STK32C: variants seen among roughly 807,000 people sequenced by gnomAD.
The protein encoded by STK32C is serine/threonine-protein kinase 32C.
Under a neutral mutation model 56.5 loss-of-function variants are expected in STK32C, and 31 were observed. The observed-to-expected ratio is 0.55, with a 90% CI of 0.41 to 0.74. STK32C has a LOEUF of 0.74. Ranked by LOEUF, STK32C falls within the 30% of genes least tolerant of loss-of-function variation. The probability of loss-of-function intolerance (pLI) is 0.00; values close to 1 mark genes in which losing one functional copy is unlikely to be tolerated. For synonymous variants in STK32C, 309 were observed against 289.4 expected, an observed-to-expected ratio of 1.07 and a Z score of -0.69; for missense variants, 544 against 676.9, an observed-to-expected ratio of 0.80 and a Z score of 2.18.
At chr10:132,297,788 C>T (rs1460457913) in intron 1 of STK32C, among the ~76,000 whole-genome samples, 1 of 152,186 alleles carries the variant, frequency 6.6e-6, no homozygotes, top group African/African-American at 2.4e-5. Flanking sequence ...GTCAGGGGCC[C>T]GCCCCGCGGC....
chr10:132,287,048 A>T (rs1017532914), intron 1 of STK32C, among the ~76,000 whole-genome samples: 2 of 152,258 alleles, frequency 1.3e-5, no homozygotes, highest in South Asian at 4.1e-4. Flanking sequence ...TAAGCAATAG[A>T]TTTCATTTTT....
Position 132,225,755 on chromosome 10 carries a change from T to G in STK32C, c.674A>C (p.Asp225Ala), listed in dbSNP as rs576266657. The G allele has an allele frequency of 6.2e-7, 1 of 1,614,102 alleles. No homozygotes were observed. The highest frequency in any genetic ancestry group is 1.3e-5 in the African/African-American group (1 of 75,054). Reference sequence around the variant, plus strand: ...CACCCAACCCCACACACCTCTCTCATCCAGGAGAATGTTGTCAGGCTTGAC... The same window carrying G: ...CACCCAACCCCACACACCTCTCTCAGCCAGGAGAATGTTGTCAGGCTTGAC... ...RDVKPDNILL[D>A]ERGHAHLTDF... The change falls in exon 5 of 12, where the codon GAT becomes GCT. Residue 225 changes from aspartate (D) to alanine (A), a missense_variant. Around this residue, in one of 3 missense-constraint regions of STK32C, gnomAD observed 85 missense variants for 149.9 expected, o/e 0.57. Transcript: ENST00000298630.
In STK32C at chr10:132,207,908, G is replaced by A. The variant is rs986437369; in HGVS notation, c.*102C>T. 5 of 1,227,216 alleles carry A rather than the reference G, an allele frequency of 4.1e-6. No individual in the cohort carries two copies. Among genetic ancestry groups the A allele is most frequent in the Non-Finnish European group, 5.1e-6 (5 of 974,546 alleles). 76.0% of individuals were successfully genotyped at this position (1,227,216 alleles called of 1,614,324 possible). A position where few individuals can be genotyped will look rare whatever the true frequency, so the allele number is the denominator to read the frequency against. On this transcript the variant is annotated 3_prime_UTR_variant, in exon 12 of 12. Transcript: ENST00000298630. ...GGGGCACTGTGGGCACCGCCAGCCA[G>A]GCTGGGTGGGAACGTGAATGCCAGG...
rs1041509019 is a variant in STK32C at position 132,307,938 on chromosome 10, C to G, written c.-105G>C. 1.6e-4 allele frequency: 173 copies of G among 1,060,226 alleles called. 1 individual carries two copies. The African/African-American group carries it at 2.9e-3, about 18-fold the overall frequency. 65.7% of individuals were successfully genotyped at this position (1,060,226 alleles called of 1,614,324 possible). A position where few individuals can be genotyped will look rare whatever the true frequency, so the allele number is the denominator to read the frequency against. On this transcript the variant is annotated 5_prime_UTR_variant, in exon 1 of 12. Coordinates refer to ENST00000298630, the MANE Select transcript of STK32C (RefSeq NM_173575.4). This position sits in a 1 kb window ranked among gnomAD's most constrained non-coding sequence, Gnocchi z 4.4. The stretch of plus-strand genomic sequence containing the variant: ...AGCGCTCGGGGCCGGCAGCGCCCGC[C>G]GTGCGCTCTTCTGGGCGGTGGAACC...
chr10:132,217,567 G>A (rs2062510734), intron 10 of STK32C, among the ~76,000 whole-genome samples: 1 of 152,130 alleles, frequency 6.6e-6, no homozygotes, highest in African/African-American at 2.4e-5. Flanking sequence ...AGAATGATAT[G>A]GTTTGGCTCT....
chr10:132,300,139 G>A (rs752490271), intron 1 of STK32C, among the ~76,000 whole-genome samples: 2 of 152,240 alleles, frequency 1.3e-5, no homozygotes, highest in Non-Finnish European at 2.9e-5. Flanking sequence ...TGCCTTCTGC[G>A]TTCGGAGGAC....
intron 1 of STK32C, among the ~76,000 whole-genome samples, chr10:132,256,870 G>A (rs1194864760): frequency 2.0e-5 from 3 of 152,216 alleles, no homozygotes; most frequent in Admixed American, 6.5e-5. Context: ...GCCCTGACTC[G>A]GGGTGGGGCT....
At chr10:132,247,870 C>T (rs943831836) in intron 1 of STK32C, among the ~76,000 whole-genome samples, 6 of 151,416 alleles carry the variant, frequency 4.0e-5, no homozygotes, top group Admixed American at 6.6e-5. Context: ...ACCAAGTTGA[C>T]GGAGGGGGTG....
chr10:132,331,753 C>G, exon 1 of STK32C: 3 of 1,611,270 alleles, frequency 1.9e-6, no homozygotes, highest in Non-Finnish European at 2.5e-6. Flanking sequence ...CTCTTCCTTC[C>G]CCTCTGTGCC....
chr10:132,208,892 G>T (rs1420936575), intron 11 of STK32C, 142 bp downstream of exon 11: 1 of 747,500 alleles, frequency 1.3e-6, no homozygotes, highest in Admixed American at 2.4e-5. Flanking sequence ...CCCCTCCATA[G>T]CTGCTGCTCA....
At chr10:132,306,179 G>C (rs193241826) in intron 1 of STK32C, among the ~76,000 whole-genome samples, 1 of 152,192 alleles carries the variant, frequency 6.6e-6, no homozygotes, top group Non-Finnish European at 1.5e-5. Context: ...CGGAGAGCAC[G>C]GTGCCGAGAC....
chr10:132,261,628 G>T (rs1428859143), intron 1 of STK32C, among the ~76,000 whole-genome samples: 1 of 152,180 alleles, frequency 6.6e-6, no homozygotes, highest in Non-Finnish European at 1.5e-5. Context: ...AGTCAGGCAT[G>T]GTGGTGCACA....
At chr10:132,275,272 G>A (rs2064961588) in intron 1 of STK32C, among the ~76,000 whole-genome samples, 1 of 152,184 alleles carries the variant, frequency 6.6e-6, no homozygotes, top group African/African-American at 2.4e-5. Context: ...AGCCCCACAG[G>A]GCCGCTGGTG....
At chr10:132,288,419 CA>C (rs1342066186) in intron 1 of STK32C, among the ~76,000 whole-genome samples, 1 of 152,226 alleles carries the variant, frequency 6.6e-6, no homozygotes, top group Non-Finnish European at 1.5e-5. Context: ...AGGAATGAGA[CA>C]AAGATGCAGA....
At chr10:132,312,110 G>A (rs564864975), upstream of STK32C, among the ~76,000 whole-genome samples, 25 of 152,244 alleles carry the variant, frequency 1.6e-4, no homozygotes, top group South Asian at 3.7e-3. Flanking sequence ...AGGCTCAAGC[G>A]ATCCTCCCAT....
At chr10:132,319,647 C>T (rs2066367620), downstream of STK32C, among the ~76,000 whole-genome samples, 1 of 152,186 alleles carries the variant, frequency 6.6e-6, no homozygotes, top group Admixed American at 6.5e-5. Context: ...AGAGTCAGTG[C>T]TTCCCTAGGG....
intron 6 of STK32C, 87 bp from the exon 7 acceptor site, chr10:132,225,423 C>G (rs1222969089): frequency 1.3e-6 from 2 of 1,587,092 alleles, no homozygotes; most frequent in South Asian, 1.1e-5. Flanking sequence ...AGGCCACATC[C>G]CGAGACCAGG....
intron 1 of STK32C, among the ~76,000 whole-genome samples, chr10:132,302,447 C>T (rs1419044433): frequency 6.6e-6 from 1 of 152,288 alleles, no homozygotes; most frequent in East Asian, 1.9e-4. Flanking sequence ...GCCCCAAGGG[C>T]CCCCAGGACA....
chr10:132,295,476 C>A (rs1398745774), intron 1 of STK32C, among the ~76,000 whole-genome samples: 1 of 152,184 alleles, frequency 6.6e-6, no homozygotes, highest in Non-Finnish European at 1.5e-5. Context: ...ACGGGGTGAC[C>A]AAGAAATTAA....
Sources: allele counts gnomAD v4.1 joint callset (sites outside exome capture counted in the v4.1 genomes callset), GRCh38; gene constraint gnomAD v4.1.1; regional missense constraint gnomAD v4.1.1; non-coding constraint Gnocchi (gnomAD v3.1); transcripts MANE v1.5; gene names NCBI Gene and HGNC (gene_info 2026-07-23, HGNC 2026-07-21).